The following ALOX5 variants were observed in gnomAD, a reference collection of about 807,000 sequenced individuals.
The protein encoded by ALOX5 is polyunsaturated fatty acid 5-lipoxygenase.
In ALOX5, 64 loss-of-function variants were observed where a neutral mutation model predicts 87.9. That is an observed-to-expected ratio of 0.73 (90% CI 0.60 to 0.90). The LOEUF is 0.90. Among genes scored for constraint, ALOX5 ranks in the 40% least tolerant of loss-of-function variants. ALOX5 has a pLI of 0.00. For missense variants in ALOX5, 822 were observed against 907.5 expected (o/e 0.91, Z 1.21); for synonymous variants, 388 against 355.1 (o/e 1.09, Z -1.04).
chr10:45,380,039 G>A (rs1376758222), intron 1 of ALOX5, among the ~76,000 whole-genome samples: 1 of 152,158 alleles, frequency 6.6e-6, no homozygotes, highest in Non-Finnish European at 1.5e-5. Context: ...GGGCCACTCA[G>A]CCCCCACTCT....
chr10:45,425,181 T>C lies in ALOX5; in HGVS notation c.834+49T>C, dbSNP rs1203360944. The C allele has an allele frequency of 8.9e-6, 14 of 1,575,460 alleles. No homozygotes were observed. Among genetic ancestry groups the C allele is most frequent in the Non-Finnish European group, 1.0e-5 (12 of 1,158,180 alleles). On this transcript the variant is annotated intron_variant, in intron 6 of 13. Coordinates refer to ENST00000374391, the MANE Select transcript of ALOX5 (RefSeq NM_000698.5). This position sits in a 1 kb window ranked among gnomAD's most constrained non-coding sequence, Gnocchi z 4.4. ...GTGGCCAAGGTCACAGTCTGTCAGG[T>C]GGAAGCCAGTTCCTCCTGGCCAGTG...
At position 45,443,379 on chromosome 10, in the gene ALOX5, G is replaced by A. The variant is rs745366345; in HGVS notation, c.1452-37G>A. 14 of 1,596,212 alleles carry A rather than the reference G, an allele frequency of 8.8e-6. No homozygotes were observed. The South Asian group carries it at 1.4e-4, about 16-fold the overall frequency. The stretch of plus-strand genomic sequence containing the variant: ...CGCCGGGCACCGCTCCGCAGACCTG[G>A]CTGGGTCGCCCACCCCGGCTGCGCC... On this transcript the variant is annotated intron_variant, in intron 10 of 13. Transcript: ENST00000374391.
In ALOX5 at chr10:45,374,384, G is replaced by A. The variant is rs1839500498; in HGVS notation, c.105G>A (p.Lys35=). 12 of 1,562,794 alleles carry A rather than the reference G, an allele frequency of 7.7e-6. No homozygotes were observed. Among genetic ancestry groups the A allele is most frequent in the African/African-American group, 1.4e-5 (1 of 71,142 alleles). ...TGGGCTCGGCGGGCTGCAGCGAGAA[G>A]CACCTGCTGGACAAGCCCTTCTACA... The part of the protein sequence containing the change: ...SLVGSAGCSE[K]HLLDKPFYND... The change falls in exon 1 of 14, where the codon AAG becomes AAA. Residue 35 remains lysine (K), a synonymous_variant. Coordinates refer to ENST00000374391, the MANE Select transcript of ALOX5 (RefSeq NM_000698.5).
chr10:45,427,952 C>G (rs1841782059), intron 6 of ALOX5, among the ~76,000 whole-genome samples: 1 of 152,174 alleles, frequency 6.6e-6, no homozygotes, highest in African/African-American at 2.4e-5. Flanking sequence ...GGGCACAACA[C>G]GCCAACCCTG....
At chr10:45,404,661 G>A (rs969404755) in intron 3 of ALOX5, among the ~76,000 whole-genome samples, 4 of 152,194 alleles carry the variant, frequency 2.6e-5, no homozygotes, top group African/African-American at 7.2e-5. Context: ...TAACCCATGC[G>A]CTCGTCCGCT....
chr10:45,395,895 A>G lies in ALOX5; in HGVS notation c.390A>G (p.Gln130=), dbSNP rs1450810178. ...ARDDQIHILK[Q]HRRKELETRQ... ...ATGACCAAATTCACATTCTCAAGCA[A>G]CACCGACGTAAAGAACTGGAAACAC... is the stretch of plus-strand genomic sequence containing the variant. The change falls in exon 3 of 14, where the codon CAA becomes CAG. Residue 130 remains glutamine (Q), a synonymous_variant. Coordinates refer to ENST00000374391, the MANE Select transcript of ALOX5 (RefSeq NM_000698.5). The G allele has an allele frequency of 6.2e-7, 1 of 1,614,266 alleles. No individual in the cohort carries two copies. Among genetic ancestry groups the G allele is most frequent in the South Asian group, 1.1e-5 (1 of 91,090 alleles).
intron 1 of ALOX5, among the ~76,000 whole-genome samples, chr10:45,376,095 G>A (rs1839599110): frequency 6.6e-6 from 1 of 152,222 alleles, no homozygotes; most frequent in South Asian, 2.1e-4. Flanking sequence ...GGCACCCCGT[G>A]TGTGCTTTCC....
chr10:45,405,281 G>A (rs1369214), intron 3 of ALOX5, among the ~76,000 whole-genome samples: 77,765 of 151,932 alleles, frequency 0.51, 20,488 homozygotes, highest in East Asian at 0.85. Flanking sequence ...CGTAATTTGC[G>A]GTCCTACCAG....
At chr10:45,400,701 CATATTGTGTG>C (rs1840668482) in intron 3 of ALOX5, among the ~76,000 whole-genome samples, 2 of 152,132 alleles carry the variant, frequency 1.3e-5, no homozygotes. Context: ...CGGAAGACCC[CATATTGTGTG>C]ATTCTATCTG....
intron 1 of ALOX5, among the ~76,000 whole-genome samples, chr10:45,375,910 A>T (rs1007726961): frequency 1.3e-4 from 20 of 152,218 alleles, no homozygotes; most frequent in African/African-American, 4.6e-4. Context: ...ACCCTCTGCC[A>T]TTTCTGACGC....
Position 45,409,527 on chromosome 10 carries a change from CTCTCTCTG to C in ALOX5, c.432-2648_432-2641del, listed in dbSNP as rs1239055217. Among the ~76,000 whole-genome samples the C allele has an allele frequency of 9.4e-4, 141 of 150,554 alleles. 1 individual carries two copies. The highest frequency in any genetic ancestry group is 3.1e-3 in the African/African-American group (128 of 40,778). On this transcript the variant is annotated intron_variant, in intron 3 of 13. Transcript: ENST00000374391. ...TCTGTCTGTCTCTCTCTCTCTCTCTCTCTCTCTGTCTCTCTGTCTCTCTTGCTTTCTCT... is the reference window on the plus strand; with the variant it reads ...TCTGTCTGTCTCTCTCTCTCTCTCTCTCTCTCTGTCTCTCTTGCTTTCTCT...
At chr10:45,429,641 C>CT (rs1841847801) in intron 7 of ALOX5, among the ~76,000 whole-genome samples, 1 of 152,146 alleles carries the variant, frequency 6.6e-6, no homozygotes, top group South Asian at 2.1e-4. Context: ...TATTTAGAGG[C>CT]TTTTTCCATT....
At chr10:45,391,010 T>TCTCC (rs1564416256) in intron 2 of ALOX5, among the ~76,000 whole-genome samples, 12 of 29,372 alleles carry the variant, frequency 4.1e-4, no homozygotes, top group East Asian at 3.5e-3. Context: ...CTCCCCTCTC[T>TCTCC]CCTCTCCCAT....
intron 2 of ALOX5, among the ~76,000 whole-genome samples, chr10:45,394,910 C>G (rs1159114564): frequency 6.6e-6 from 1 of 152,192 alleles, no homozygotes; most frequent in Admixed American, 6.5e-5. Flanking sequence ...AATGATATAC[C>G]ATCTCACACC....
In ALOX5 at chr10:45,444,007, G is replaced by A. The variant is rs1842344982; in HGVS notation, c.1675-109G>A. 7 of 1,442,474 alleles carry A rather than the reference G, an allele frequency of 4.9e-6. No homozygotes were observed. In the East Asian group the frequency reaches 1.8e-4, roughly 36 times the overall value. 89.4% of individuals were successfully genotyped at this position (1,442,474 alleles called of 1,614,324 possible). ...TGGCCGCGGGGAAAGAGGATGGACG[G>A]ACTGCAGGGCCCGCTGGAGTTGGGG... On this transcript the variant is annotated intron_variant, in intron 12 of 13. Transcript: ENST00000374391.
Position 45,395,905 on chromosome 10 carries a change from A to G in ALOX5, c.400A>G (p.Lys134Glu). 6.2e-7 allele frequency: 1 copy of G among 1,614,254 alleles called. No individual in the cohort carries two copies. The highest frequency in any genetic ancestry group is 8.5e-7 in the Non-Finnish European group (1 of 1,180,040). Residue 134 changes from lysine (K) to glutamate (E), a missense_variant, in exon 3 of 14, where the codon AAA becomes GAA. Lys to Glu is a moderately conservative substitution (Grantham distance 56). Coordinates refer to ENST00000374391, the MANE Select transcript of ALOX5 (RefSeq NM_000698.5). ...QIHILKQHRR[K>E]ELETRQKQYR... ...TCACATTCTCAAGCAACACCGACGT[A>G]AAGAACTGGAAACACGGCAAAAACA...
intron 3 of ALOX5, among the ~76,000 whole-genome samples, chr10:45,398,102 C>T (rs915513915): frequency 3.3e-5 from 5 of 152,150 alleles, no homozygotes; most frequent in Non-Finnish European, 7.3e-5. Flanking sequence ...AATTACTACA[C>T]AGCTATAGTA....
At chr10:45,403,360 A>G (rs1840768718) in intron 3 of ALOX5, among the ~76,000 whole-genome samples, 1 of 152,258 alleles carries the variant, frequency 6.6e-6, no homozygotes, top group Non-Finnish European at 1.5e-5. Context: ...TGTCTGGCCA[A>G]TTCATAACTT....
At chr10:45,438,041 A>G (rs1842112726) in intron 7 of ALOX5, among the ~76,000 whole-genome samples, 1 of 152,214 alleles carries the variant, frequency 6.6e-6, no homozygotes, top group South Asian at 2.1e-4. Context: ...GAAGTTGTTT[A>G]TCAAGTCTAG....
Sources: allele counts gnomAD v4.1 joint callset (sites outside exome capture counted in the v4.1 genomes callset), GRCh38; gene constraint gnomAD v4.1.1; non-coding constraint Gnocchi (gnomAD v3.1); transcripts MANE v1.5; gene names NCBI Gene and HGNC (gene_info 2026-07-23, HGNC 2026-07-21).